CSMD1: variants seen among roughly 807,000 people sequenced by gnomAD.
CSMD1 encodes CUB and sushi domain-containing protein 1.
In CSMD1, 213 loss-of-function variants were observed where a neutral mutation model predicts 417.5. The ratio of observed to expected loss-of-function variants is 0.51; its 90% CI spans 0.46 to 0.57. The LOEUF (loss-of-function observed/expected upper bound fraction) is 0.57. Among genes scored for constraint, CSMD1 ranks in the 20% least tolerant of loss-of-function variants. CSMD1 has a pLI of 0.00. For missense variants in CSMD1, 6,923 were observed against 4,529.7 expected (o/e 1.53, Z -15.17); for synonymous variants, 2,862 against 1,736.8 (o/e 1.65, Z -16.11).
At chr8:4,623,179 A>C (rs2130820175) in intron 2 of CSMD1, among the ~76,000 whole-genome samples, 1 of 152,224 alleles carries the variant, frequency 6.6e-6, no homozygotes, top group East Asian at 1.9e-4. Context: ...AGATGCGCAA[A>C]ATATTTTAAC....
intron 12 of CSMD1, among the ~76,000 whole-genome samples, chr8:3,426,302 T>C (rs1249032554): frequency 6.6e-6 from 1 of 152,238 alleles, no homozygotes; most frequent in Non-Finnish European, 1.5e-5. Flanking sequence ...TCAATTTTTT[T>C]AAGTACCAGA....
At chr8:4,730,674 G>C (rs1420975170) in intron 1 of CSMD1, among the ~76,000 whole-genome samples, 1 of 152,072 alleles carries the variant, frequency 6.6e-6, no homozygotes, top group African/African-American at 2.4e-5. Flanking sequence ...CCGGGAAGCG[G>C]AGCTTGCAGT....
At chr8:4,201,905 C>A (rs1217300230) in intron 3 of CSMD1, among the ~76,000 whole-genome samples, 2 of 146,684 alleles carry the variant, frequency 1.4e-5, no homozygotes, top group Non-Finnish European at 3.0e-5. Context: ...GGGGGCGCTG[C>A]ATTCATTTGC....
At chr8:4,162,180 A>G (rs1051915842) in intron 3 of CSMD1, among the ~76,000 whole-genome samples, 5 of 152,188 alleles carry the variant, frequency 3.3e-5, no homozygotes, top group African/African-American at 9.6e-5. Flanking sequence ...GCTTTGCGCA[A>G]CTTTTCTTTC....
At chr8:3,141,160 C>T (rs80175750) in intron 41 of CSMD1, among the ~76,000 whole-genome samples, 2,033 of 152,268 alleles carry the variant, frequency 0.013, 24 homozygotes, top group Non-Finnish European at 0.022. Context: ...CAGTTGACTA[C>T]GGCCATGGGA....
At chr8:4,949,975 T>A (rs1808630261) in intron 1 of CSMD1, among the ~76,000 whole-genome samples, 1 of 152,148 alleles carries the variant, frequency 6.6e-6, no homozygotes, top group Non-Finnish European at 1.5e-5. Context: ...TTAATGCAAA[T>A]GTTTTTTATC....
At chr8:3,070,624 C>T (rs367641057) in intron 49 of CSMD1, among the ~76,000 whole-genome samples, 1 of 152,230 alleles carries the variant, frequency 6.6e-6, no homozygotes, top group African/African-American at 2.4e-5. Flanking sequence ...TCATTTCCAT[C>T]TGAGACCCCA....
intron 1 of CSMD1, among the ~76,000 whole-genome samples, chr8:4,936,497 C>T (rs1184532949): frequency 6.6e-6 from 1 of 152,184 alleles, no homozygotes; most frequent in African/African-American, 2.4e-5. Context: ...CCCACCTTTT[C>T]CAATTACACT....
At chr8:4,925,737 CG>C (rs1554521259) in intron 1 of CSMD1, among the ~76,000 whole-genome samples, 1 of 151,980 alleles carries the variant, frequency 6.6e-6, no homozygotes, top group Non-Finnish European at 1.5e-5. Context: ...TTAGTAGAGA[CG>C]GGGTTTCACC....
intron 23 of CSMD1, among the ~76,000 whole-genome samples, chr8:3,324,533 T>TC (rs1230664710): frequency 2.0e-5 from 3 of 149,994 alleles, no homozygotes; most frequent in Non-Finnish European, 4.4e-5. Context: ...GGGAGTTTCT[T>TC]CCCCCCACCA....
At chr8:3,341,208 A>G (rs1807620082) in intron 23 of CSMD1, among the ~76,000 whole-genome samples, 3 of 152,242 alleles carry the variant, frequency 2.0e-5, no homozygotes, top group African/African-American at 7.2e-5. Flanking sequence ...GGTGGACATC[A>G]ACATGGAACA....
chr8:3,072,938 T>A lies in CSMD1; in HGVS notation c.7474+14159A>T, dbSNP rs149303210. ...TTCAAGTGTCAGATAATATTAAGAATAGACAAAATTGGCTTGGAAAAATCT... is the reference window on the plus strand; with the variant it reads ...TTCAAGTGTCAGATAATATTAAGAAAAGACAAAATTGGCTTGGAAAAATCT... On this transcript the variant is annotated intron_variant, in intron 49 of 69. Transcript: ENST00000635120. Among the ~76,000 whole-genome samples the A allele has an allele frequency of 1.9e-3, 286 of 152,298 alleles. 1 individual carries two copies. The highest frequency in any genetic ancestry group is 6.2e-3 in the African/African-American group (257 of 41,552).
chr8:3,523,695 G>A (rs1435139404), intron 10 of CSMD1, among the ~76,000 whole-genome samples: 1 of 142,996 alleles, frequency 7.0e-6, no homozygotes, highest in African/African-American at 2.7e-5. Flanking sequence ...AGAGACATAT[G>A]CACACATGTG....
chr8:4,531,393 A>G (rs903538420), intron 2 of CSMD1, among the ~76,000 whole-genome samples: 2 of 152,212 alleles, frequency 1.3e-5, no homozygotes, highest in African/African-American at 2.4e-5. Context: ...TCTTGAAGTC[A>G]GATGATTTGG....
intron 1 of CSMD1, among the ~76,000 whole-genome samples, chr8:4,958,869 A>AT (rs1809293518): frequency 1.3e-5 from 2 of 152,188 alleles, no homozygotes; most frequent in African/African-American, 4.8e-5. Context: ...AAAGCAGGTA[A>AT]TTTATTGACT....
chr8:4,042,227 A>T (rs1797927034), intron 3 of CSMD1, among the ~76,000 whole-genome samples: 1 of 152,336 alleles, frequency 6.6e-6, no homozygotes, highest in African/African-American at 2.4e-5. Context: ...CATATCACAC[A>T]TGTCAAAATC....
chr8:4,266,632 A>T (rs1335695585), intron 3 of CSMD1, among the ~76,000 whole-genome samples: 1 of 105,268 alleles, frequency 9.5e-6, no homozygotes, highest in Admixed American at 8.9e-5. Flanking sequence ...CCTGCAGTTG[A>T]ACATTTTTAT....
Position 3,470,132 on chromosome 8 carries a change from C to A in CSMD1, c.1449-1308G>T, listed in dbSNP as rs146192437. 6.1e-3 allele frequency among the ~76,000 whole-genome samples: 929 copies of A among 152,260 alleles called. 14 individuals carry two copies. Among genetic ancestry groups the A allele is most frequent in the African/African-American group, 0.02 (846 of 41,544 alleles). On this transcript the variant is annotated intron_variant, in intron 11 of 69. Transcript: ENST00000635120. ...TCTTGTACCTTCTCCCAGTCACCAT[C>A]CTCTCCTCCCATCTTGCCAAACTAT...
chr8:3,665,616 G>T (rs1399523272), intron 7 of CSMD1, among the ~76,000 whole-genome samples: 2 of 152,060 alleles, frequency 1.3e-5, no homozygotes, highest in Non-Finnish European at 2.9e-5. Context: ...GACTCAGTAG[G>T]GTTCTAAATA....
Sources: gnomAD v4.1 joint callset for allele counts (sites outside exome capture counted in the v4.1 genomes callset) on GRCh38, gnomAD v4.1.1 for gene constraint, MANE v1.5 for transcripts, NCBI Gene and HGNC (gene_info 2026-07-23, HGNC 2026-07-21) for gene names.